The following ATP13A5 variants were observed in gnomAD, a reference collection of about 807,000 sequenced individuals.
ATP13A5 encodes the protein probable cation-transporting ATPase 13A5.
ATP13A5 carries 149 observed loss-of-function variants against 150.2 expected under a neutral mutation model. The observed-to-expected ratio is 0.99, with a 90% confidence interval of 0.87 to 1.14. The LOEUF is 1.14. ATP13A5 is among the 50% of genes most tolerant of loss of function. ATP13A5 has a pLI of 0.00. For synonymous variants in ATP13A5, 497 were observed against 522.2 expected (o/e 0.95, Z 0.66); for missense variants, 1,383 against 1,449.3 (o/e 0.95, Z 0.74).
chr3:193,349,594 A>G (rs959592837), intron 7 of ATP13A5, among the ~76,000 whole-genome samples: 17 of 152,318 alleles, frequency 1.1e-4, no homozygotes, highest in African/African-American at 4.1e-4. Flanking sequence ...ATGAATATAA[A>G]GAGGCCCTTA....
chr3:193,334,540 T>C (rs949410737), intron 10 of ATP13A5, among the ~76,000 whole-genome samples: 3 of 152,216 alleles, frequency 2.0e-5, no homozygotes, highest in African/African-American at 7.2e-5. Context: ...TCTTTATTAC[T>C]GAATTTGACA....
At chr3:193,362,753 CTT>C (rs111998956) in intron 3 of ATP13A5, 116 bp from the exon 4 acceptor site, 2 of 65,756 alleles carry the variant, frequency 3.0e-5, no homozygotes, top group East Asian at 1.6e-4. Flanking sequence ...TGCTTTCCTT[CTT>C]TCTTTCTTTC....
At chr3:193,331,058 G>T in intron 12 of ATP13A5, 65 bp downstream of exon 12, 1 of 1,505,872 alleles carries the variant, frequency 6.6e-7, no homozygotes, top group Non-Finnish European at 9.1e-7. Context: ...CATTTTCTGA[G>T]GTTCTTCCCA....
At chr3:193,320,050 A>G (rs902391122) in intron 16 of ATP13A5, among the ~76,000 whole-genome samples, 7 of 152,246 alleles carry the variant, frequency 4.6e-5, no homozygotes, top group Non-Finnish European at 8.8e-5. Flanking sequence ...GGCAATCACA[A>G]CTATGTTTAT....
At chr3:193,338,017 A>G (rs1214204561) in intron 9 of ATP13A5, among the ~76,000 whole-genome samples, 1 of 151,950 alleles carries the variant, frequency 6.6e-6, no homozygotes, top group African/African-American at 2.4e-5. Context: ...GTTCACTCAT[A>G]ATTTGGCTCT....
intron 9 of ATP13A5, among the ~76,000 whole-genome samples, chr3:193,343,219 G>A (rs927125830): frequency 4.6e-5 from 7 of 152,116 alleles, no homozygotes; most frequent in African/African-American, 9.7e-5. Context: ...CTGTGTTGCT[G>A]TATAGTCTCT....
At position 193,279,272 on chromosome 3, in the gene ATP13A5, A is replaced by G. The variant is rs919433947; in HGVS notation, c.3315+94T>C. ...AATAGCCTCACAGTATTTGGTGGTC[A>G]AAGAGAATACAGTAATAATTGACTT... On this transcript the variant is annotated intron_variant, in intron 28 of 29. Coordinates refer to ENST00000342358, the MANE Select transcript of ATP13A5 (RefSeq NM_198505.4). 15 of 1,015,710 alleles carry G rather than the reference A, an allele frequency of 1.5e-5. No individual in the cohort carries two copies. In the African/African-American group the frequency reaches 2.1e-4, roughly 14 times the overall value. The allele number at this position is 1,015,710 out of a possible 1,614,324, so 62.9% of individuals were successfully genotyped here. A position where few individuals can be genotyped will look rare whatever the true frequency, so the allele number is the denominator to read the frequency against.
Position 193,333,789 on chromosome 3 carries a change from C to T in ATP13A5, c.1233G>A (p.Met411Ile). Residue 411 changes from methionine to isoleucine, a missense_variant, in exon 11 of 30, where the codon ATG becomes ATA. Coordinates refer to ENST00000342358, the MANE Select transcript of ATP13A5 (RefSeq NM_198505.4). ...FIVFLACLGV[M>I]GFFYALGVYM... ...ATACCCCTAGGGCATAGAAAAAACC[C>T]ATGACACCAAGGCAGGCCAGGAACA... The T allele has an allele frequency of 6.2e-7, 1 of 1,613,898 alleles. No homozygotes were observed. The highest frequency in any genetic ancestry group is 8.5e-7 in the Non-Finnish European group (1 of 1,179,852).
Position 193,319,623 on chromosome 3 carries a change from C to T in ATP13A5, c.1916-515G>A, listed in dbSNP as rs538333079. Among the ~76,000 whole-genome samples the T allele has an allele frequency of 5.3e-5, 8 of 152,192 alleles. No individual in the cohort carries two copies. In the East Asian group the frequency reaches 5.8e-4, roughly 11 times the overall value. Reference sequence around the variant, plus strand: ...GGAATAAATTTCTGTTGTTCAAGCACGCAGTCTATGGTCTTTTGTTATAAT... The same window carrying T: ...GGAATAAATTTCTGTTGTTCAAGCATGCAGTCTATGGTCTTTTGTTATAAT... On this transcript the variant is annotated intron_variant, in intron 16 of 29. Coordinates refer to ENST00000342358, the MANE Select transcript of ATP13A5 (RefSeq NM_198505.4).
At chr3:193,325,173 T>C (rs1271701944) in intron 13 of ATP13A5, among the ~76,000 whole-genome samples, 159 bp from the exon 14 acceptor site, 4 of 152,212 alleles carry the variant, frequency 2.6e-5, no homozygotes, top group Non-Finnish European at 5.9e-5. Context: ...CCCCTTAGCC[T>C]GGTATTCAAA....
intron 7 of ATP13A5, 139 bp downstream of exon 7, chr3:193,350,928 C>A: frequency 1.1e-6 from 1 of 899,118 alleles, no homozygotes; most frequent in Non-Finnish European, 1.7e-6. Context: ...CTTCTGTCAT[C>A]CCATATTTGG....
At chr3:193,344,327 G>C (rs1209349236) in intron 8 of ATP13A5, among the ~76,000 whole-genome samples, 1 of 152,186 alleles carries the variant, frequency 6.6e-6, no homozygotes, top group Non-Finnish European at 1.5e-5. Flanking sequence ...CAAGGGCACT[G>C]GGCAAAGCAG....
intron 7 of ATP13A5, among the ~76,000 whole-genome samples, chr3:193,349,830 A>G (rs1712495108): frequency 6.6e-6 from 1 of 152,150 alleles, no homozygotes; most frequent in South Asian, 2.1e-4. Context: ...GTGGAAAATA[A>G]TATAGCAGCA....
chr3:193,289,457 T>C (rs953024416), intron 26 of ATP13A5, among the ~76,000 whole-genome samples: 5 of 152,140 alleles, frequency 3.3e-5, no homozygotes, highest in Admixed American at 2.6e-4. Context: ...TTGTAGATAA[T>C]GTTTTATTAG....
chr3:193,278,798 A>G (rs1292568749), intron 28 of ATP13A5, among the ~76,000 whole-genome samples: 2 of 152,178 alleles, frequency 1.3e-5, no homozygotes, highest in Non-Finnish European at 2.9e-5. Context: ...TCATCTTCAC[A>G]ACAAATCTAT....
At chr3:193,347,071 G>A (rs1007099074) in intron 7 of ATP13A5, among the ~76,000 whole-genome samples, 5 of 152,076 alleles carry the variant, frequency 3.3e-5, no homozygotes, top group African/African-American at 1.2e-4. Flanking sequence ...CATTGAATTG[G>A]ATCACTTTCA....
intron 12 of ATP13A5, among the ~76,000 whole-genome samples, chr3:193,330,072 G>T (rs1464243937): frequency 6.6e-6 from 1 of 152,068 alleles, no homozygotes; most frequent in African/African-American, 2.4e-5. Flanking sequence ...CACACCCCAT[G>T]GTCCTCTGTT....
Position 193,279,402 on chromosome 3 carries a change from CAG to C in ATP13A5, c.3277_3278del (p.Leu1093ValfsTer3), listed in dbSNP as rs757487856. 3.5e-5 allele frequency: 57 copies of C among 1,613,790 alleles called. 1 individual carries two copies. The highest frequency in any genetic ancestry group is 1.6e-4 in the East Asian group (7 of 44,836). On this transcript the variant is annotated frameshift_variant, in exon 28 of 30. Coordinates refer to ENST00000342358, the MANE Select transcript of ATP13A5 (RefSeq NM_198505.4). LOFTEE classifies it high-confidence loss of function. ...LAALGLTIFILFSDFQVIYRG... is the reference protein window; with the variant it reads ...LAALGLTIFIXFSDFQVIYRG... ...GGTATATAACTTGAAAGTCAGAAAA[CAG>C]AATGAAAATTGTGAGGCCCAAGGCA...
chr3:193,333,796 C>A lies in ATP13A5; in HGVS notation c.1226G>T (p.Gly409Val). The A allele has an allele frequency of 6.2e-7, 1 of 1,613,912 alleles. No individual in the cohort carries two copies. Among genetic ancestry groups the A allele is most frequent in the Non-Finnish European group, 8.5e-7 (1 of 1,179,872 alleles). ...TAGGGCATAGAAAAAACCCATGACACCAAGGCAGGCCAGGAACACGATGAA... is the reference window on the plus strand; with the variant it reads ...TAGGGCATAGAAAAAACCCATGACAACAAGGCAGGCCAGGAACACGATGAA... ...FKFIVFLACLGVMGFFYALGV... is the reference protein window; with the variant it reads ...FKFIVFLACLVVMGFFYALGV... Residue 409 changes from glycine to valine, a missense_variant, in exon 11 of 30, where the codon GGT (glycine) becomes GTT (valine). Gly to Val is a moderately radical substitution (Grantham distance 109, BLOSUM62 -3). Coordinates refer to ENST00000342358, the MANE Select transcript of ATP13A5 (RefSeq NM_198505.4).
Sources: gnomAD v4.1 joint callset for allele counts (sites outside exome capture counted in the v4.1 genomes callset) on GRCh38, gnomAD v4.1.1 for gene constraint, MANE v1.5 for transcripts, NCBI Gene and HGNC (gene_info 2026-07-23, HGNC 2026-07-21) for gene names.